Variants in MAPT observed in about 807,000 individuals in gnomAD.
MAPT encodes microtubule associated protein tau.
Under a neutral mutation model 67.9 loss-of-function variants are expected in MAPT, and 34 were observed. The ratio of observed to expected loss-of-function variants is 0.50; its 90% CI spans 0.38 to 0.67. MAPT has a LOEUF of 0.67. Ranked by LOEUF, MAPT falls within the 30% of genes least tolerant of loss-of-function variation. The pLI is 0.00. For missense variants in MAPT, 881 were observed against 1,115.2 expected, an observed-to-expected ratio of 0.79 and a Z score of 2.99; for synonymous variants, 456 against 464.5, an observed-to-expected ratio of 0.98 and a Z score of 0.23.
chr17:45,949,060 T>C (rs2068787953), intron 1 of MAPT, among the ~76,000 whole-genome samples: 1 of 152,258 alleles, frequency 6.6e-6, no homozygotes, highest in Non-Finnish European at 1.5e-5. Flanking sequence ...TTAAAATGTT[T>C]CCGGTATATT....
intron 1 of MAPT, among the ~76,000 whole-genome samples, chr17:45,946,615 A>ATATATAT (rs1555692455): frequency 9.0e-5 from 9 of 100,402 alleles, no homozygotes; most frequent in African/African-American, 1.7e-4. Flanking sequence ...AAAAAAAAAA[A>ATATATAT]ATATATATAT....
At position 46,018,358 on chromosome 17, in the gene MAPT, T is replaced by TA. The variant is rs35032782; in HGVS notation, c.2174-257dup. 0.11 allele frequency among the ~76,000 whole-genome samples: 17,443 copies of TA among 152,218 alleles called. 1,215 individuals carry two copies. The highest frequency in any genetic ancestry group is 0.15 in the Non-Finnish European group (10,331 of 67,996). ...ACTTACTTGTATCCAAACACCATTC[T>TA]AAAGGAGTCTTACCTACTTCTAAAG... On this transcript the variant is annotated intron_variant, in intron 11 of 12. Coordinates refer to ENST00000262410, the MANE Select transcript of MAPT (RefSeq NM_001377265.1).
chr17:45,996,672 T>G lies in MAPT; in HGVS notation c.1998+8T>G. Reference sequence around the variant, plus strand: ...CAGCCGGGAGGCGGGAAGGTGAGAGTGGCTGGCTGCGCGTGGAGGTGTGGG... The same window carrying G: ...CAGCCGGGAGGCGGGAAGGTGAGAGGGGCTGGCTGCGCGTGGAGGTGTGGG... On this transcript the variant is annotated splice_region_variant and intron_variant, in intron 9 of 12. Coordinates refer to ENST00000262410, the MANE Select transcript of MAPT (RefSeq NM_001377265.1). The surrounding 1 kb of genome is among the most constrained non-coding windows in gnomAD (Gnocchi z 4.5). 3.1e-6 allele frequency: 5 copies of G among 1,610,230 alleles called. No homozygotes were observed. Among genetic ancestry groups the G allele is most frequent in the Non-Finnish European group, 4.2e-6 (5 of 1,178,944 alleles).
intron 8 of MAPT, among the ~76,000 whole-genome samples, chr17:45,994,832 G>A (rs1276625157): frequency 3.3e-5 from 5 of 152,064 alleles, no homozygotes; most frequent in Non-Finnish European, 7.3e-5. Context: ...CTCTACTAAA[G>A]AAATCTTTAC....
chr17:45,978,409 G>A lies in MAPT; in HGVS notation c.255G>A (p.Leu85=). The A allele has an allele frequency of 6.2e-7, 1 of 1,613,774 alleles. No individual in the cohort carries two copies. Among genetic ancestry groups the A allele is most frequent in the Non-Finnish European group, 8.5e-7 (1 of 1,179,964 alleles). ...CAGGCATTGGAGACACCCCCAGCCT[G>A]GAAGACGAAGCTGCTGGTCACGTGA... is the stretch of plus-strand genomic sequence containing the variant. The part of the protein sequence containing the change: ...EEAGIGDTPS[L]EDEAAGHVTQ... The change falls in exon 4 of 13, where the codon CTG becomes CTA. Residue 85 remains leucine, a synonymous_variant. Coordinates refer to ENST00000262410, the MANE Select transcript of MAPT (RefSeq NM_001377265.1).
chr17:45,974,448 C>T lies in MAPT; in HGVS notation c.220+2503C>T, dbSNP rs138293088. The T allele has an allele frequency of 7.1e-5, 114 of 1,608,186 alleles. No individual in the cohort carries two copies. The highest frequency in any genetic ancestry group is 9.4e-5 in the Non-Finnish European group (111 of 1,178,084). ...AAGCAGGCTGCCGCGCAGCCCCACA[C>T]GGAGATCCCAGAAGGAACCACAGGT... is the stretch of plus-strand genomic sequence containing the variant. On this transcript the variant is annotated intron_variant, in intron 3 of 12. Coordinates refer to ENST00000262410, the MANE Select transcript of MAPT (RefSeq NM_001377265.1).
chr17:45,941,709 T>TCCTG lies in MAPT; in HGVS notation c.-17-20609_-17-20608insGCCT, dbSNP rs1331100767. On this transcript the variant is annotated intron_variant, in intron 1 of 12. Transcript: ENST00000262410. Reference sequence around the variant, plus strand: ...TTCCTTCCTTCCTTCCTGCCTGCCTTCCTTCCTTCCTTCCTTCCTTCCTTC... The same window carrying TCCTG: ...TTCCTTCCTTCCTTCCTGCCTGCCTTCCTGCCTTCCTTCCTTCCTTCCTTCCTTC... Among the ~76,000 whole-genome samples, 163 of 107,318 alleles carry TCCTG rather than the reference T, an allele frequency of 1.5e-3. 6 individuals carry two copies. The highest frequency in any genetic ancestry group is 5.5e-3 in the African/African-American group (123 of 22,544). The allele number at this position is 107,318 out of a possible 152,430, so 70.4% of individuals were successfully genotyped here.
At chr17:45,895,455 G>C (rs1005967612) in intron 1 of MAPT, 1 of 152,322 alleles carries the variant, frequency 6.6e-6, no homozygotes, top group African/African-American at 2.4e-5. Context: ...ATCCCACTGT[G>C]CACGCTCGCA....
intron 6 of MAPT, among the ~76,000 whole-genome samples, chr17:45,989,158 C>T (rs991507089): frequency 6.6e-6 from 1 of 151,906 alleles, no homozygotes; most frequent in Non-Finnish European, 1.5e-5. Flanking sequence ...AAAGTAAGGC[C>T]CTTCAGACCC....
At chr17:45,992,447 C>T (rs967216626) in intron 8 of MAPT, among the ~76,000 whole-genome samples, 3 of 152,176 alleles carry the variant, frequency 2.0e-5, no homozygotes, top group African/African-American at 4.8e-5. Flanking sequence ...TTGCTAGGGA[C>T]GTTAGGAGTC....
chr17:45,982,089 C>A (rs955085074), intron 4 of MAPT, among the ~76,000 whole-genome samples: 1 of 151,234 alleles, frequency 6.6e-6, no homozygotes, highest in Non-Finnish European at 1.5e-5. Flanking sequence ...CTTTGGGGAC[C>A]GGGGTGGGCA....
At chr17:45,989,030 A>C (rs952439100) in intron 6 of MAPT, among the ~76,000 whole-genome samples, 1 of 151,882 alleles carries the variant, frequency 6.6e-6, no homozygotes, top group South Asian at 2.1e-4. Flanking sequence ...GTCAGGTAGA[A>C]TCTTTCCAAC....
intron 1 of MAPT, among the ~76,000 whole-genome samples, chr17:45,918,888 T>C (rs1274172067): frequency 6.6e-6 from 1 of 151,970 alleles, no homozygotes; most frequent in African/African-American, 2.4e-5. Flanking sequence ...TGAAACCCTG[T>C]CTCTTCTAAA....
Position 45,971,542 on chromosome 17 carries a change from C to G in MAPT, c.134-317C>G, listed in dbSNP as rs1323447913. On this transcript the variant is annotated intron_variant, in intron 2 of 12. Transcript: ENST00000262410. This position sits in a 1 kb window ranked among gnomAD's most constrained non-coding sequence, Gnocchi z 4.3. ...GCTCGGCTTTCTGGTATTTGCTGCC[C>G]GTTGACCAATGGAAGATAAACCTTT... Among the ~76,000 whole-genome samples the G allele has an allele frequency of 2.0e-5, 3 of 151,804 alleles. No individual in the cohort carries two copies. Among genetic ancestry groups the G allele is most frequent in the Admixed American group, 6.6e-5 (1 of 15,158 alleles).
intron 1 of MAPT, among the ~76,000 whole-genome samples, chr17:45,902,225 T>A (rs1356798638): frequency 6.6e-6 from 1 of 152,134 alleles, no homozygotes. Flanking sequence ...GTACACACCA[T>A]AATGCTCGGC....
intron 12 of MAPT, 56 bp downstream of exon 12, chr17:46,018,786 GT>G: frequency 8.0e-7 from 1 of 1,252,992 alleles, no homozygotes; most frequent in Non-Finnish European, 1.2e-6. Flanking sequence ...CATTAATCAA[GT>G]TGAGTGGACA....
At chr17:45,968,106 A>G (rs2071271107) in intron 2 of MAPT, among the ~76,000 whole-genome samples, 1 of 152,070 alleles carries the variant, frequency 6.6e-6, no homozygotes, top group Non-Finnish European at 1.5e-5. Context: ...GCCACAAACT[A>G]TAACCCACAA....
At chr17:45,956,548 TTATATATATATATATATATATATATA>T (rs57223421) in intron 1 of MAPT, among the ~76,000 whole-genome samples, 4,247 of 95,228 alleles carry the variant, frequency 0.045, 161 homozygotes, top group African/African-American at 0.089. Flanking sequence ...GCAGGTTCTT[TTATATATATATATATATATATATATA>T]TATATATATA....
chr17:45,924,569 C>T (rs1439327358), intron 1 of MAPT, among the ~76,000 whole-genome samples: 1 of 152,240 alleles, frequency 6.6e-6, no homozygotes, highest in African/African-American at 2.4e-5. Context: ...CATGCCCACC[C>T]TCCCTGACCA....
Sources: gnomAD v4.1 joint callset for allele counts (sites outside exome capture counted in the v4.1 genomes callset) on GRCh38, gnomAD v4.1.1 for gene constraint, Gnocchi (gnomAD v3.1) non-coding constraint, MANE v1.5 for transcripts, NCBI Gene and HGNC (gene_info 2026-07-23, HGNC 2026-07-21) for gene names.